FPGS: variants seen among roughly 807,000 people sequenced by gnomAD.
FPGS encodes the protein folylpolyglutamate synthase, mitochondrial.
In FPGS, 53 loss-of-function variants were observed where a neutral mutation model predicts 66.5. The ratio of observed to expected loss-of-function variants is 0.80; its 90% CI spans 0.64 to 1.00. The LOEUF (loss-of-function observed/expected upper bound fraction) is 1.00, where lower values mean the gene tolerates loss of function less well. FPGS is among the 50% of genes least tolerant of loss of function. FPGS has a pLI of 0.00. For synonymous variants in FPGS, 348 were observed against 350.9 expected (o/e 0.99, Z 0.09); for missense variants, 702 against 807.7 (o/e 0.87, Z 1.59).
intron 1 of FPGS, chr9:127,803,310 C>T: frequency 3.3e-5 from 40 of 1,218,394 alleles, no homozygotes; most frequent in Non-Finnish European, 4.1e-5. Context: ...GGAAGTGGCA[C>T]AGGAGCTAGG....
In FPGS at chr9:127,813,328, G is replaced by T; in HGVS notation, c.1488G>T (p.Gly496=). 1.9e-6 allele frequency: 3 copies of T among 1,612,970 alleles called. No individual in the cohort carries two copies. The highest frequency in any genetic ancestry group is 1.7e-6 in the Non-Finnish European group (2 of 1,179,868). Residue 496 remains glycine, a synonymous_variant, in exon 15 of 15, where the codon GGG becomes GGT. Transcript: ENST00000373247. The part of the protein sequence containing the change: ...LWSAPSPEPG[G]SASLLLAPHP... ...GTGCCCCCAGCCCAGAGCCCGGTGGGTCCGCATCCCTGCTTCTGGCGCCCC... is the reference window on the plus strand; with the variant it reads ...GTGCCCCCAGCCCAGAGCCCGGTGGTTCCGCATCCCTGCTTCTGGCGCCCC...
rs1450638962 is a variant in FPGS at position 127,803,013 on chromosome 9, G to A, written c.89G>A (p.Arg30Gln). The change falls in exon 1 of 15, where the codon CGG becomes CAG. Residue 30 changes from arginine to glutamine, a missense_variant. Arg to Gln is a conservative substitution (Grantham distance 43, BLOSUM62 1). Coordinates refer to ENST00000373247, the MANE Select transcript of FPGS (RefSeq NM_004957.6). ...RGITTQVAAR[R>Q]GLSAWPVPQE... ...ATAACGACCCAGGTCGCGGCGCGGC[G>A]GGGCTTGAGCGCGTGGCCGGTGCCG... 6.1e-6 allele frequency: 9 copies of A among 1,465,518 alleles called. No homozygotes were observed. The Admixed American group carries it at 2.3e-4, about 37-fold the overall frequency. The allele number at this position is 1,465,518 out of a possible 1,614,324, so 90.8% of individuals were successfully genotyped here.
At position 127,804,349 on chromosome 9, in the gene FPGS, A is replaced by C. The variant is rs142451905; in HGVS notation, c.203A>C (p.Gln68Pro). 75 of 1,614,192 alleles carry C rather than the reference A, an allele frequency of 4.6e-5. No homozygotes were observed. The African/African-American group carries it at 7.3e-4, about 16-fold the overall frequency. Residue 68 changes from glutamine (Q) to proline (P), a missense_variant, in exon 2 of 15, where the codon CAG becomes CCG. Around this residue, in one of 3 missense-constraint regions of FPGS, gnomAD observed 240 missense variants for 348.6 expected, o/e 0.69. Coordinates refer to ENST00000373247, the MANE Select transcript of FPGS (RefSeq NM_004957.6). ...GGCTACCTGGAGCAGGTGAAGCGCC[A>C]GCGGGGTGACCCTCAGACACAGTTG... ...NAGYLEQVKRQRGDPQTQLEA... is the reference protein window; with the variant it reads ...NAGYLEQVKRPRGDPQTQLEA...
chr9:127,808,727 C>G (rs772590608), intron 10 of FPGS, 22 bp downstream of exon 10: 2 of 1,570,334 alleles, frequency 1.3e-6, no homozygotes, highest in South Asian at 1.2e-5. Context: ...GCTGAGTGGG[C>G]AGGCAGGTGG....
chr9:127,811,461 C>T (rs952524178), intron 14 of FPGS, among the ~76,000 whole-genome samples: 4 of 149,586 alleles, frequency 2.7e-5, no homozygotes, highest in South Asian at 2.1e-4. Context: ...TAGGTCTGGG[C>T]GACAGAGCGA....
At position 127,804,660 on chromosome 9, in the gene FPGS, T is replaced by G; in HGVS notation, c.346T>G (p.Cys116Gly). The change falls in exon 4 of 15, where the codon TGT (cysteine) becomes GGT (glycine). Residue 116 changes from cysteine (C) to glycine (G), a missense_variant. By Grantham distance (159) the Cys-to-Gly change is radical. Coordinates refer to ENST00000373247, the MANE Select transcript of FPGS (RefSeq NM_004957.6). ...GGGCTCCACCTGTGCCTTCACGGAA[T>G]GTATCCTCCGAAGCTATGGCCTGAA... ...GKGSTCAFTECILRSYGLKTG... is the reference protein window; with the variant it reads ...GKGSTCAFTEGILRSYGLKTG... 6.2e-7 allele frequency: 1 copy of G among 1,614,122 alleles called. No individual in the cohort carries two copies. Among genetic ancestry groups the G allele is most frequent in the Non-Finnish European group, 8.5e-7 (1 of 1,180,030 alleles).
chr9:127,810,236 C>T (rs1830018987), intron 13 of FPGS, 130 bp downstream of exon 13: 6 of 790,896 alleles, frequency 7.6e-6, no homozygotes, highest in African/African-American at 1.7e-5. Context: ...GGTGCCTGTG[C>T]TGGTTCTGCC....
intron 1 of FPGS, 123 bp downstream of exon 1, chr9:127,803,185 G>GT (rs1829674380): frequency 1.6e-6 from 2 of 1,256,604 alleles, no homozygotes; most frequent in Non-Finnish European, 2.0e-6. Flanking sequence ...TGGGGGACTC[G>GT]GGGGGCGGAA....
In FPGS at chr9:127,804,269, G is replaced by A; in HGVS notation, c.139-16G>A. 1.2e-6 allele frequency: 2 copies of A among 1,612,832 alleles called. No individual in the cohort carries two copies. The highest frequency in any genetic ancestry group is 2.2e-5 in the South Asian group (2 of 90,882). On this transcript the variant is annotated splice_polypyrimidine_tract_variant and intron_variant, in intron 1 of 14. Transcript: ENST00000373247. ...GAGTGAGCCTTAACCTACTATCTGG[G>A]CACTGTGGTTGCCAGGATGCCGTGC...
At chr9:127,809,898 A>C (rs1201028635) in intron 12 of FPGS, 64 bp downstream of exon 12, 28 of 334,380 alleles carry the variant, frequency 8.4e-5, no homozygotes, top group East Asian at 2.8e-4. Flanking sequence ...ATCTTGGGGA[A>C]GGGCGGGGCG....
chr9:127,806,926 C>T lies in FPGS; in HGVS notation c.387-47C>T, dbSNP rs554847519. The stretch of plus-strand genomic sequence containing the variant: ...CAGTCCCTGCAGGGTGGGGGAAGGC[C>T]AGGACGCTCGGGAAGGGAGTCCTGA... On this transcript the variant is annotated intron_variant, in intron 4 of 14. Coordinates refer to ENST00000373247, the MANE Select transcript of FPGS (RefSeq NM_004957.6). 19 of 1,450,596 alleles carry T rather than the reference C, an allele frequency of 1.3e-5. No homozygotes were observed. In the Admixed American group the frequency reaches 3.2e-4, roughly 24 times the overall value. 89.9% of individuals were successfully genotyped at this position (1,450,596 alleles called of 1,614,324 possible).
chr9:127,809,797 T>G lies in FPGS; in HGVS notation c.1174T>G (p.Phe392Val). The G allele has an allele frequency of 6.6e-7, 1 of 1,523,976 alleles. No individual in the cohort carries two copies. Among genetic ancestry groups the G allele is most frequent in the Non-Finnish European group, 8.7e-7 (1 of 1,148,220 alleles). The allele number at this position is 1,523,976 out of a possible 1,614,324, so 94.4% of individuals were successfully genotyped here. A position where few individuals can be genotyped will look rare whatever the true frequency, so the allele number is the denominator to read the frequency against. ...ASSAQACVRWFRQALQGRERP... is the reference protein window; with the variant it reads ...ASSAQACVRWVRQALQGRERP... ...CAGCGCGCAGGCCTGCGTGCGCTGG[T>G]TCCGCCAGGCGCTGCAGGGCCGCGA... Residue 392 changes from phenylalanine to valine, a missense_variant, in exon 12 of 15, where the codon TTC becomes GTC. Around this residue, in one of 3 missense-constraint regions of FPGS, gnomAD observed 351 missense variants for 363.7 expected, o/e 0.97. Coordinates refer to ENST00000373247, the MANE Select transcript of FPGS (RefSeq NM_004957.6).
chr9:127,802,866 G>A (rs1829652064), upstream of FPGS: 3 of 1,276,396 alleles, frequency 2.4e-6, no homozygotes, highest in Non-Finnish European at 3.0e-6. Flanking sequence ...CTGATTGGCT[G>A]GGGGCGGGGC....
chr9:127,811,356 C>T (rs1688305056), intron 14 of FPGS, among the ~76,000 whole-genome samples: 1 of 151,810 alleles, frequency 6.6e-6, no homozygotes, highest in Admixed American at 6.6e-5. Context: ...GTGGTGGGTG[C>T]CTGTAGTCTC....
intron 14 of FPGS, among the ~76,000 whole-genome samples, chr9:127,811,216 C>T (rs529190566): frequency 7.9e-5 from 12 of 152,064 alleles, no homozygotes; most frequent in Non-Finnish European, 2.9e-5. Flanking sequence ...CGGTGGCTCA[C>T]GCCTGTAATC....
chr9:127,804,527 T>G lies in FPGS; in HGVS notation c.296T>G (p.Ile99Ser). ...QVEDLDRLNI[I>S]HVTGTKGKGS... Reference sequence around the variant, plus strand: ...GAGGACTTGGACCGGCTGAACATCATCCACGTCACTGGGACGAAGGGGAAG... The same window carrying G: ...GAGGACTTGGACCGGCTGAACATCAGCCACGTCACTGGGACGAAGGGGAAG... The change falls in exon 3 of 15, where the codon ATC becomes AGC. Residue 99 changes from isoleucine (I) to serine (S), a missense_variant. By Grantham distance (142) the Ile-to-Ser change is moderately radical (BLOSUM62 -2). Coordinates refer to ENST00000373247, the MANE Select transcript of FPGS (RefSeq NM_004957.6). 2 of 1,614,116 alleles carry G rather than the reference T, an allele frequency of 1.2e-6. No individual in the cohort carries two copies. The highest frequency in any genetic ancestry group is 1.7e-6 in the Non-Finnish European group (2 of 1,180,004).
chr9:127,803,771 C>G (rs1829701595), intron 1 of FPGS, among the ~76,000 whole-genome samples: 1 of 152,192 alleles, frequency 6.6e-6, no homozygotes, highest in African/African-American at 2.4e-5. Flanking sequence ...CCGTACCTAC[C>G]TGCCTTCCTG....
chr9:127,814,147 T>C, downstream of FPGS: 4 of 985,886 alleles, frequency 4.1e-6, no homozygotes, highest in South Asian at 1.4e-4. Context: ...GGACCTGCAC[T>C]GTGTAGAGGG....
chr9:127,811,841 C>T (rs1366917239), intron 14 of FPGS, among the ~76,000 whole-genome samples: 3 of 152,104 alleles, frequency 2.0e-5, no homozygotes, highest in South Asian at 4.1e-4. Context: ...GTGTACGTTG[C>T]ACAGAGTAAG....
Sources: gnomAD v4.1 joint callset for allele counts (sites outside exome capture counted in the v4.1 genomes callset) on GRCh38, gnomAD v4.1.1 for gene constraint, gnomAD v4.1.1 regional missense constraint, MANE v1.5 for transcripts, NCBI Gene and HGNC (gene_info 2026-07-23, HGNC 2026-07-21) for gene names.